DIPK1A: variants seen among roughly 807,000 people sequenced by gnomAD.
DIPK1A encodes family with sequence similarity 69 member A.
DIPK1A carries 27 observed loss-of-function variants against 40.8 expected under a neutral mutation model. The ratio of observed to expected loss-of-function variants is 0.66; its 90% confidence interval spans 0.49 to 0.91. DIPK1A has a LOEUF of 0.91. Ranked by LOEUF, DIPK1A falls within the 40% of genes least tolerant of loss-of-function variation. The pLI, the probability that DIPK1A is intolerant of heterozygous loss-of-function variation, is 0.00. For missense variants in DIPK1A, 412 were observed against 505.7 expected, an observed-to-expected ratio of 0.81 and a Z score of 1.78; for synonymous variants, 166 against 171.3, an observed-to-expected ratio of 0.97 and a Z score of 0.24.
intron 1 of DIPK1A, among the ~76,000 whole-genome samples, chr1:92,901,858 G>C (rs1309642459): frequency 1.3e-5 from 2 of 152,122 alleles, no homozygotes; most frequent in African/African-American, 2.4e-5. Context: ...CAGTTCCAGG[G>C]AAGCAGGGTA....
At chr1:92,951,335 A>C (rs1651625700) in intron 1 of DIPK1A, among the ~76,000 whole-genome samples, 1 of 152,208 alleles carries the variant, frequency 6.6e-6, no homozygotes, top group Non-Finnish European at 1.5e-5. Context: ...GGCTGAGAAC[A>C]ATCCTCAGCC....
chr1:92,874,423 C>A (rs1489780773), intron 2 of DIPK1A, among the ~76,000 whole-genome samples: 1 of 152,132 alleles, frequency 6.6e-6, no homozygotes, highest in East Asian at 1.9e-4. Context: ...CTTGGAGATG[C>A]ATAACACATA....
At chr1:92,876,056 T>G (rs781002723) in intron 2 of DIPK1A, among the ~76,000 whole-genome samples, 1 of 150,632 alleles carries the variant, frequency 6.6e-6, no homozygotes, top group Admixed American at 6.6e-5. Context: ...AATCCTTCTT[T>G]GTATTGAGGA....
intron 1 of DIPK1A, among the ~76,000 whole-genome samples, chr1:92,903,777 C>T (rs1156641850): frequency 1.3e-5 from 2 of 152,102 alleles, no homozygotes; most frequent in Non-Finnish European, 2.9e-5. Flanking sequence ...TAAGATAGGC[C>T]GTCAGGTTAT....
intron 1 of DIPK1A, among the ~76,000 whole-genome samples, chr1:92,909,831 C>T (rs1051626520): frequency 2.6e-5 from 4 of 152,144 alleles, no homozygotes; most frequent in African/African-American, 9.7e-5. Context: ...AATAAAAGGA[C>T]TGCCCAAGTG....
chr1:92,949,167 C>A (rs1651525357), intron 1 of DIPK1A, among the ~76,000 whole-genome samples: 2 of 152,074 alleles, frequency 1.3e-5, no homozygotes. Context: ...CTCCCACTCC[C>A]ACCCCCAAAA....
At chr1:92,875,066 C>T (rs968385646) in intron 2 of DIPK1A, among the ~76,000 whole-genome samples, 3 of 152,082 alleles carry the variant, frequency 2.0e-5, no homozygotes, top group African/African-American at 7.2e-5. Flanking sequence ...CTGTAACACT[C>T]CTGTGGAATA....
At chr1:92,921,684 C>T (rs1650274993) in intron 1 of DIPK1A, among the ~76,000 whole-genome samples, 1 of 152,138 alleles carries the variant, frequency 6.6e-6, no homozygotes, top group Non-Finnish European at 1.5e-5. Flanking sequence ...TAGGTAAGAA[C>T]AGGATCCAAA....
intron 1 of DIPK1A, among the ~76,000 whole-genome samples, chr1:92,940,445 A>G (rs1651107676): frequency 6.6e-6 from 1 of 152,234 alleles, no homozygotes; most frequent in Non-Finnish European, 1.5e-5. Flanking sequence ...TTATGTGATT[A>G]TCATTTAATT....
intron 4 of DIPK1A, among the ~76,000 whole-genome samples, chr1:92,846,418 TCTC>T (rs1348059603): frequency 6.6e-6 from 1 of 151,974 alleles, no homozygotes; most frequent in African/African-American, 2.4e-5. Context: ...TTAACCAACC[TCTC>T]CTTATTCTCC....
chr1:92,854,210 T>C (rs1687913649), intron 2 of DIPK1A, among the ~76,000 whole-genome samples: 2 of 152,210 alleles, frequency 1.3e-5, no homozygotes, highest in African/African-American at 4.8e-5. Flanking sequence ...ATATAATACC[T>C]GATAGTAGGT....
chr1:92,835,504 A>G (rs975012467), intron 4 of DIPK1A, among the ~76,000 whole-genome samples: 84 of 151,558 alleles, frequency 5.5e-4, no homozygotes, highest in Non-Finnish European at 1.1e-3. Context: ...AAAGTAGAAA[A>G]AAAAAAAAAG....
chr1:92,960,062 T>G (rs894295646), intron 1 of DIPK1A, among the ~76,000 whole-genome samples: 2 of 151,328 alleles, frequency 1.3e-5, no homozygotes, highest in Non-Finnish European at 3.0e-5. Context: ...GCCGGTAAGC[T>G]TTTTTTTAAA....
At chr1:92,946,602 A>G (rs1023042280) in intron 1 of DIPK1A, among the ~76,000 whole-genome samples, 2 of 152,222 alleles carry the variant, frequency 1.3e-5, no homozygotes, top group Non-Finnish European at 2.9e-5. Context: ...CTAAATATTC[A>G]TTTTTTAACA....
chr1:92,840,437 T>G, downstream of DIPK1A: 1 of 785,098 alleles, frequency 1.3e-6, no homozygotes, highest in Non-Finnish European at 2.2e-6. Context: ...AACATTGATT[T>G]AGTTTAGTTC....
In DIPK1A at chr1:92,843,557, T is replaced by G. The variant is rs1468560412; in HGVS notation, c.1113A>C (p.Lys371Asn). The part of the protein sequence containing the change: ...PNLAKACQLL[K>N]DYLLRGAPSE... ...TTGGAGCACCACGCAGTAGGTAGTC[T>G]TTGAGTAACTGACAAGCTTTTGCCA... is the stretch of plus-strand genomic sequence containing the variant. Residue 371 changes from lysine to asparagine, a missense_variant, in exon 5 of 5, where the codon AAA (lysine) becomes AAC (asparagine). Physicochemically the swap from Lys to Asn is moderately conservative, Grantham distance 94. Coordinates refer to ENST00000370310, the MANE Select transcript of DIPK1A (RefSeq NM_001006605.5). 1.3e-6 allele frequency: 2 copies of G among 1,552,012 alleles called. No homozygotes were observed. The highest frequency in any genetic ancestry group is 1.7e-6 in the Non-Finnish European group (2 of 1,147,082).
intron 1 of DIPK1A, among the ~76,000 whole-genome samples, chr1:92,953,755 T>C (rs1651730920): frequency 6.6e-6 from 1 of 152,180 alleles, no homozygotes; most frequent in South Asian, 2.1e-4. Flanking sequence ...TGAGGAGTCG[T>C]TCAATGGGTA....
chr1:92,884,438 G>A (rs1207545152), intron 1 of DIPK1A, among the ~76,000 whole-genome samples: 1 of 151,890 alleles, frequency 6.6e-6, no homozygotes, highest in African/African-American at 2.4e-5. Flanking sequence ...AGGTGACAGA[G>A]CAAGACCCTG....
At chr1:92,859,038 G>A (rs1413177314) in intron 2 of DIPK1A, among the ~76,000 whole-genome samples, 1 of 152,062 alleles carries the variant, frequency 6.6e-6, no homozygotes, top group Non-Finnish European at 1.5e-5. Context: ...ATCAAACCAG[G>A]AGATGGCACT....
Sources: allele counts gnomAD v4.1 joint callset (sites outside exome capture counted in the v4.1 genomes callset), GRCh38; gene constraint gnomAD v4.1.1; transcripts MANE v1.5; gene names NCBI Gene and HGNC (gene_info 2026-07-23, HGNC 2026-07-21).